The following RCOR3 variants were observed in gnomAD, a reference collection of about 807,000 sequenced individuals.
RCOR3 encodes REST corepressor 3.
A neutral mutation model predicts 64.1 loss-of-function variants in RCOR3; 13 were observed. The ratio of observed to expected loss-of-function variants is 0.20; its 90% CI spans 0.13 to 0.32. The LOEUF (loss-of-function observed/expected upper bound fraction) is 0.32, where lower values mean the gene tolerates loss of function less well. Among genes scored for constraint, RCOR3 ranks in the 10% least tolerant of loss-of-function variants. RCOR3 has a pLI of 1.00. For synonymous variants in RCOR3, 215 were observed against 239.0 expected, an observed-to-expected ratio of 0.90 and a Z score of 0.93; for missense variants, 489 against 701.2, an observed-to-expected ratio of 0.70 and a Z score of 3.42.
rs1558035572 is a variant in RCOR3 at position 211,261,931 on chromosome 1, A to AAAAAAAAC, written c.223+1774_223+1775insCAAAAAAA. 3.4e-4 allele frequency among the ~76,000 whole-genome samples: 50 copies of AAAAAAAAC among 146,332 alleles called. 9 individuals are homozygous for AAAAAAAAC. The South Asian group carries it at 7.2e-3, about 21-fold the overall frequency. On this transcript the variant is annotated intron_variant, in intron 2 of 11. Coordinates refer to ENST00000419091, the MANE Select transcript of RCOR3 (RefSeq NM_001136223.3). ...AGAGTGAGACTCCATCTCAAAAAAAAAAAAAAAAAACTGAATTCAATTCCT... is the reference window on the plus strand; with the variant it reads ...AGAGTGAGACTCCATCTCAAAAAAAAAAAAAAACAAAAAAAAAACTGAATTCAATTCCT...
At chr1:211,293,561 C>T (rs561945825) in intron 8 of RCOR3, among the ~76,000 whole-genome samples, 2 of 152,226 alleles carry the variant, frequency 1.3e-5, no homozygotes. Flanking sequence ...TTCCCCACCA[C>T]CTGTTCATCA....
chr1:211,296,795 A>G (rs1699900316), intron 9 of RCOR3, among the ~76,000 whole-genome samples: 1 of 152,140 alleles, frequency 6.6e-6, no homozygotes, highest in Admixed American at 6.5e-5. Flanking sequence ...TAAGGATAAT[A>G]TAATACCAAA....
At chr1:211,262,354 C>T (rs1231132956) in intron 2 of RCOR3, among the ~76,000 whole-genome samples, 1 of 152,022 alleles carries the variant, frequency 6.6e-6, no homozygotes, top group Non-Finnish European at 1.5e-5. Context: ...TAATGGAATT[C>T]TTGCCAGGAT....
intron 8 of RCOR3, among the ~76,000 whole-genome samples, chr1:211,290,942 A>G (rs1194950919): frequency 6.6e-6 from 1 of 151,362 alleles, no homozygotes; most frequent in Non-Finnish European, 1.5e-5. Context: ...TTCCAGCTAT[A>G]TCTTTTGCAT....
At chr1:211,259,879 C>T (rs1303211260) in intron 1 of RCOR3, 153 bp downstream of exon 1, 2 of 1,091,996 alleles carry the variant, frequency 1.8e-6, no homozygotes, top group Non-Finnish European at 2.5e-6. Context: ...CAGCAGCACC[C>T]CCGCGACCCC....
intron 10 of RCOR3, among the ~76,000 whole-genome samples, chr1:211,307,729 G>A (rs1700996432): frequency 6.6e-6 from 1 of 151,264 alleles, no homozygotes; most frequent in African/African-American, 2.4e-5. Flanking sequence ...AGTCATTACT[G>A]CTTAAAAAAA....
intron 5 of RCOR3, 117 bp from the exon 6 acceptor site, chr1:211,278,000 A>G: frequency 1.1e-6 from 1 of 872,866 alleles, no homozygotes; most frequent in Non-Finnish European, 1.7e-6. Context: ...TATAATTCAT[A>G]AAGGTACCCA....
At chr1:211,262,651 G>A (rs887799558) in intron 2 of RCOR3, among the ~76,000 whole-genome samples, 1 of 152,126 alleles carries the variant, frequency 6.6e-6, no homozygotes, top group Non-Finnish European at 1.5e-5. Flanking sequence ...TTAAGAGCCA[G>A]ACTTAATGCT....
chr1:211,278,172 C>G lies in RCOR3; in HGVS notation c.572C>G (p.Thr191Ser), dbSNP rs1166456473. 6.2e-7 allele frequency: 1 copy of G among 1,607,058 alleles called. No homozygotes were observed. Among genetic ancestry groups the G allele is most frequent in the African/African-American group, 1.3e-5 (1 of 74,454 alleles). The change falls in exon 6 of 12, where the codon ACT becomes AGT. Residue 191 changes from threonine (T) to serine (S), a missense_variant. Around this residue, in one of 2 missense-constraint regions of RCOR3, gnomAD observed 402 missense variants for 617.0 expected, o/e 0.65. Coordinates refer to ENST00000419091, the MANE Select transcript of RCOR3 (RefSeq NM_001136223.3). Reference protein sequence around the residue: ...LVKYYYSWKKTRSRTSLMDRQ... With the variant: ...LVKYYYSWKKSRSRTSLMDRQ... ...AAATATTACTATTCTTGGAAAAAAA[C>G]TCGCTCTAGGACAAGTTTGATGGAT...
intron 8 of RCOR3, among the ~76,000 whole-genome samples, chr1:211,291,982 G>A (rs1208187317): frequency 2.6e-5 from 4 of 152,068 alleles, no homozygotes; most frequent in Admixed American, 1.3e-4. Context: ...ATAGCCAAAC[G>A]TGGTTGTGTG....
chr1:211,263,017 C>A (rs1694611858), intron 2 of RCOR3, among the ~76,000 whole-genome samples: 1 of 96,656 alleles, frequency 1.0e-5, no homozygotes, highest in Non-Finnish European at 2.0e-5. Context: ...TGTTATCCCT[C>A]CCCCCTGCCC....
At position 211,276,512 on chromosome 1, in the gene RCOR3, T is replaced by C; in HGVS notation, c.516+94T>C. The C allele has an allele frequency of 1.2e-5, 14 of 1,146,734 alleles. No individual in the cohort carries two copies. The South Asian group carries it at 1.4e-4, about 12-fold the overall frequency. 71.0% of individuals were successfully genotyped at this position (1,146,734 alleles called of 1,614,324 possible). On this transcript the variant is annotated intron_variant, in intron 5 of 11. Coordinates refer to ENST00000419091, the MANE Select transcript of RCOR3 (RefSeq NM_001136223.3). The stretch of plus-strand genomic sequence containing the variant: ...TAATTATTAAATACAAAAACATTCT[T>C]CAATTTAATTTTAAAAACTATTTGT...
chr1:211,279,226 GT>G lies in RCOR3; in HGVS notation c.642-9del. The G allele has an allele frequency of 7.3e-7, 1 of 1,376,640 alleles. No homozygotes were observed. The highest frequency in any genetic ancestry group is 1.0e-6 in the Non-Finnish European group (1 of 987,804). The allele number at this position is 1,376,640 out of a possible 1,614,324, so 85.3% of individuals were successfully genotyped here. On this transcript the variant is annotated splice_polypyrimidine_tract_variant and intron_variant, in intron 6 of 11. Coordinates refer to ENST00000419091, the MANE Select transcript of RCOR3 (RefSeq NM_001136223.3). ...AAGGGAATTAAGTGTACTAATTTTT[GT>G]TTCTTCTCAGTGATGATGATGTAGA... is the stretch of plus-strand genomic sequence containing the variant.
At chr1:211,278,270 T>C (rs750081020) in intron 6 of RCOR3, 29 bp downstream of exon 6, 17 of 1,610,996 alleles carry the variant, frequency 1.1e-5, no homozygotes, top group Non-Finnish European at 1.4e-5. Flanking sequence ...TATAGTTACA[T>C]TGTTAGGGAC....
At chr1:211,307,843 A>G (rs1701013460) in intron 10 of RCOR3, among the ~76,000 whole-genome samples, 1 of 151,548 alleles carries the variant, frequency 6.6e-6, no homozygotes, top group South Asian at 2.1e-4. Context: ...TATTTTTTAT[A>G]TTTAGTTATT....
chr1:211,276,288 A>G lies in RCOR3; in HGVS notation c.386A>G (p.Asn129Ser). 1 of 1,613,866 alleles carries G rather than the reference A, an allele frequency of 6.2e-7. No individual in the cohort carries two copies. The highest frequency in any genetic ancestry group is 1.1e-5 in the South Asian group (1 of 91,054). ...ALGMLFWHKHNIEKSLADLPN... is the reference protein window; with the variant it reads ...ALGMLFWHKHSIEKSLADLPN... ...GGCATGTTGTTCTGGCATAAACATA[A>G]CATTGAGAAGTCCCTTGCTGATCTC... The change falls in exon 5 of 12, where the codon AAC becomes AGC. Residue 129 changes from asparagine (N) to serine (S), a missense_variant. Physicochemically the swap from Asn to Ser is conservative, Grantham distance 46 (BLOSUM62 1). This residue lies in a region of RCOR3 where 402 missense variants were observed against 617.0 expected (regional missense o/e 0.65). Coordinates refer to ENST00000419091, the MANE Select transcript of RCOR3 (RefSeq NM_001136223.3).
chr1:211,292,986 AG>A (rs773881086), intron 8 of RCOR3, among the ~76,000 whole-genome samples: 53 of 152,044 alleles, frequency 3.5e-4, no homozygotes, highest in Admixed American at 1.3e-4. Flanking sequence ...CAGGAGGCTG[AG>A]GCAGGAGAAT....
At chr1:211,307,490 A>AAGAATTTAAAAAG (rs1553263688) in intron 10 of RCOR3, among the ~76,000 whole-genome samples, 4,126 of 150,662 alleles carry the variant, frequency 0.027, 220 homozygotes, top group African/African-American at 0.093. Flanking sequence ...CAAAAAAAAA[A>AAGAATTTAAAAAG]GAATTTAAAA....
At chr1:211,292,108 A>G (rs144920489) in intron 8 of RCOR3, among the ~76,000 whole-genome samples, 1 of 152,142 alleles carries the variant, frequency 6.6e-6, no homozygotes, top group African/African-American at 2.4e-5. Context: ...AGTGGCCAAC[A>G]TCTAATGCTG....
Sources: allele counts gnomAD v4.1 joint callset (sites outside exome capture counted in the v4.1 genomes callset), GRCh38; gene constraint gnomAD v4.1.1; regional missense constraint gnomAD v4.1.1; transcripts MANE v1.5; gene names NCBI Gene and HGNC (gene_info 2026-07-23, HGNC 2026-07-21).